EPC2: variants seen among roughly 807,000 people sequenced by gnomAD.
EPC2 encodes enhancer of polycomb 2, also known as enhancer of polycomb homolog 2.
In EPC2, 14 loss-of-function variants were observed where a neutral mutation model predicts 92.1. That is an observed-to-expected ratio of 0.15 (90% CI 0.10 to 0.24). The LOEUF (loss-of-function observed/expected upper bound fraction) is 0.24, where lower values mean the gene tolerates loss of function less well. Among genes scored for constraint, EPC2 ranks in the 10% least tolerant of loss-of-function variants. The pLI is 1.00. For missense variants in EPC2, 755 were observed against 971.5 expected, an observed-to-expected ratio of 0.78 and a Z score of 2.96; for synonymous variants, 340 against 334.7, an observed-to-expected ratio of 1.02 and a Z score of -0.17.
intron 5 of EPC2, 59 bp downstream of exon 5, chr2:148,761,989 G>A: frequency 7.0e-7 from 1 of 1,427,200 alleles, no homozygotes; most frequent in Non-Finnish European, 9.4e-7. Flanking sequence ...TGGGCAAAAT[G>A]AACCAAAAGA....
intron 1 of EPC2, among the ~76,000 whole-genome samples, chr2:148,658,043 C>G (rs565587073): frequency 2.4e-4 from 37 of 152,184 alleles, no homozygotes; most frequent in South Asian, 1.5e-3. Context: ...AGCCATTGCT[C>G]CAAGGGACAT....
At chr2:148,665,777 A>G (rs745783200) in intron 1 of EPC2, among the ~76,000 whole-genome samples, 44 of 152,198 alleles carry the variant, frequency 2.9e-4, no homozygotes, top group Non-Finnish European at 2.5e-4. Flanking sequence ...AGACAGAGCA[A>G]CTATGAATGA....
At chr2:148,688,682 C>A (rs1020458368) in intron 1 of EPC2, among the ~76,000 whole-genome samples, 1 of 152,116 alleles carries the variant, frequency 6.6e-6, no homozygotes, top group African/African-American at 2.4e-5. Context: ...ATCCTTATGC[C>A]TCAGTTTCTT....
chr2:148,754,437 A>G (rs2105416966), intron 4 of EPC2, among the ~76,000 whole-genome samples: 1 of 152,312 alleles, frequency 6.6e-6, no homozygotes, highest in African/African-American at 2.4e-5. Context: ...TTGAAGTGAT[A>G]AGAGGAATTT....
At chr2:148,779,487 G>A (rs1408147572) in intron 10 of EPC2, among the ~76,000 whole-genome samples, 1 of 152,140 alleles carries the variant, frequency 6.6e-6, no homozygotes, top group African/African-American at 2.4e-5. Context: ...GGAGGCTGAG[G>A]CGGGAGGATT....
intron 7 of EPC2, 138 bp downstream of exon 7, chr2:148,765,284 TTATG>T (rs1157638177): frequency 4.0e-6 from 2 of 496,468 alleles, no homozygotes; most frequent in Non-Finnish European, 3.3e-6. Flanking sequence ...TCCACAGTAT[TTATG>T]TAGCCACTGA....
chr2:148,644,956 T>TGC lies in EPC2; in HGVS notation c.-62_-61insGC. 2.2e-6 allele frequency: 3 copies of TGC among 1,392,292 alleles called. No individual in the cohort carries two copies. Among genetic ancestry groups the TGC allele is most frequent in the Non-Finnish European group, 3.0e-6 (3 of 1,012,498 alleles). 86.2% of individuals were successfully genotyped at this position (1,392,292 alleles called of 1,614,324 possible). On this transcript the variant is annotated 5_prime_UTR_variant, in exon 1 of 14. Coordinates refer to ENST00000258484, the MANE Select transcript of EPC2 (RefSeq NM_015630.4). ...GAGGTGGAGGAGGCGGCGGGAGTCC[T>TGC]CCCCCCCTCCCCGCCCGCCCCGCCG...
intron 2 of EPC2, among the ~76,000 whole-genome samples, chr2:148,714,064 C>A (rs1416870988): frequency 3.6e-5 from 5 of 140,516 alleles, no homozygotes; most frequent in African/African-American, 7.7e-5. Flanking sequence ...TCCCACCCCC[C>A]ACCCTCTGAC....
intron 1 of EPC2, among the ~76,000 whole-genome samples, chr2:148,664,570 G>A (rs1681022224): frequency 6.6e-6 from 1 of 152,180 alleles, no homozygotes; most frequent in Non-Finnish European, 1.5e-5. Context: ...TGTGCAATTT[G>A]TTGTGTTGAT....
At chr2:148,752,926 A>G (rs1234956035) in intron 3 of EPC2, among the ~76,000 whole-genome samples, 1 of 152,172 alleles carries the variant, frequency 6.6e-6, no homozygotes, top group African/African-American at 2.4e-5. Flanking sequence ...CTAGGGAAAC[A>G]TTTCTTGGGA....
At position 148,644,855 on chromosome 2, in the gene EPC2, C is replaced by A. The variant is rs1177637916; in HGVS notation, c.-163C>A. On this transcript the variant is annotated 5_prime_UTR_variant, in exon 1 of 14. Transcript: ENST00000258484. ...GCGGGCGCGGGGGGCTGTTTTCGGG[C>A]GGGGTGGGCGCCCATGCTGTGGCCG... The A allele has an allele frequency of 1.6e-4, 86 of 524,452 alleles. 3 individuals are homozygous for A. The highest frequency in any genetic ancestry group is 7.0e-4 in the Admixed American group (16 of 22,740). The allele number at this position is 524,452 out of a possible 1,614,324, so 32.5% of individuals were successfully genotyped here. A position where few individuals can be genotyped will look rare whatever the true frequency, so the allele number is the denominator to read the frequency against.
At chr2:148,691,661 T>A in intron 2 of EPC2, 3 of 1,523,168 alleles carry the variant, frequency 2.0e-6, no homozygotes, top group Non-Finnish European at 2.7e-6. Context: ...CGTTAAAGTT[T>A]TTGCTTGTTT....
intron 2 of EPC2, among the ~76,000 whole-genome samples, chr2:148,691,130 G>C (rs771757719): frequency 6.6e-6 from 1 of 152,104 alleles, no homozygotes; most frequent in Non-Finnish European, 1.5e-5. Flanking sequence ...GTATTTAAAT[G>C]ATCACCACCT....
intron 3 of EPC2, among the ~76,000 whole-genome samples, chr2:148,751,135 T>C (rs1664331278): frequency 6.6e-6 from 1 of 152,168 alleles, no homozygotes; most frequent in South Asian, 2.1e-4. Flanking sequence ...AATGGGCTGA[T>C]GGTAGTTAAT....
intron 1 of EPC2, among the ~76,000 whole-genome samples, chr2:148,670,310 T>C (rs1172647622): frequency 6.6e-6 from 1 of 151,828 alleles, no homozygotes; most frequent in East Asian, 1.9e-4. Flanking sequence ...TTGCATCAGG[T>C]GGAAGGGTGA....
At chr2:148,681,897 G>A (rs1355440586) in intron 1 of EPC2, among the ~76,000 whole-genome samples, 1 of 152,034 alleles carries the variant, frequency 6.6e-6, no homozygotes, top group East Asian at 1.9e-4. Context: ...CAGGCCCCCG[G>A]GGTGTGATGT....
Position 148,645,236 on chromosome 2 carries a change from C to A in EPC2, c.153+66C>A, listed in dbSNP as rs541765444. Reference sequence around the variant, plus strand: ...CCCCTCCCCTTTGTCAGTCGGGCCTCGCCATTCACAGAGCGCTTTACGCTC... The same window carrying A: ...CCCCTCCCCTTTGTCAGTCGGGCCTAGCCATTCACAGAGCGCTTTACGCTC... On this transcript the variant is annotated intron_variant, in intron 1 of 13. Coordinates refer to ENST00000258484, the MANE Select transcript of EPC2 (RefSeq NM_015630.4). 93 of 1,383,484 alleles carry A rather than the reference C, an allele frequency of 6.7e-5. No individual in the cohort carries two copies. The East Asian group carries it at 2.1e-3, about 32-fold the overall frequency. The allele number at this position is 1,383,484 out of a possible 1,614,324, so 85.7% of individuals were successfully genotyped here. A position where few individuals can be genotyped will look rare whatever the true frequency, so the allele number is the denominator to read the frequency against.
chr2:148,685,964 A>T (rs1427195254), intron 1 of EPC2, among the ~76,000 whole-genome samples: 1 of 152,140 alleles, frequency 6.6e-6, no homozygotes, highest in Non-Finnish European at 1.5e-5. Flanking sequence ...CTTGATGTTA[A>T]TGGCTAGACT....
At chr2:148,666,128 G>A (rs1238545798) in intron 1 of EPC2, among the ~76,000 whole-genome samples, 1 of 152,106 alleles carries the variant, frequency 6.6e-6, no homozygotes, top group African/African-American at 2.4e-5. Flanking sequence ...ACCAGTTTTT[G>A]TGTTGTTGTT....
Sources: gnomAD v4.1 joint callset for allele counts (sites outside exome capture counted in the v4.1 genomes callset) on GRCh38, gnomAD v4.1.1 for gene constraint, MANE v1.5 for transcripts, NCBI Gene and HGNC (gene_info 2026-07-23, HGNC 2026-07-21) for gene names.